Variants in GRIA4 observed in about 807,000 individuals in gnomAD.
The protein encoded by GRIA4 is glutamate ionotropic receptor AMPA type subunit 4.
Under a neutral mutation model 104.0 loss-of-function variants are expected in GRIA4, and 34 were observed. The ratio of observed to expected loss-of-function variants is 0.33; its 90% CI spans 0.25 to 0.44. The LOEUF is 0.44. GRIA4 is among the 20% of genes least tolerant of loss of function. GRIA4 has a pLI of 1.00. For synonymous variants in GRIA4, 386 were observed against 381.9 expected (o/e 1.01, Z -0.13); for missense variants, 750 against 1,096.5 (o/e 0.68, Z 4.46).
chr11:105,745,238 G>A (rs972801156), intron 3 of GRIA4, among the ~76,000 whole-genome samples: 2 of 152,078 alleles, frequency 1.3e-5, no homozygotes, highest in Non-Finnish European at 2.9e-5. Flanking sequence ...AGTTCTTTAT[G>A]AAACATCTAT....
At chr11:105,862,817 G>T (rs565603969) in intron 5 of GRIA4, among the ~76,000 whole-genome samples, 12 of 152,270 alleles carry the variant, frequency 7.9e-5, no homozygotes, top group African/African-American at 2.9e-4. Context: ...GATTTGATTT[G>T]AAGCAGCCAG....
intron 13 of GRIA4, among the ~76,000 whole-genome samples, chr11:105,927,912 T>C (rs952461045): frequency 3.3e-5 from 5 of 152,020 alleles, no homozygotes; most frequent in Admixed American, 6.6e-5. Flanking sequence ...TTTAATAGCA[T>C]AGAAGACAGA....
At chr11:105,668,220 ATAAT>A (rs1308615163) in intron 3 of GRIA4, among the ~76,000 whole-genome samples, 4 of 98,182 alleles carry the variant, frequency 4.1e-5, no homozygotes, top group African/African-American at 1.9e-4. Flanking sequence ...ACACACACAT[ATAAT>A]ATATATATAT....
chr11:105,948,691 C>T (rs1252155729), intron 14 of GRIA4, among the ~76,000 whole-genome samples: 1 of 149,330 alleles, frequency 6.7e-6, no homozygotes, highest in Non-Finnish European at 1.5e-5. Flanking sequence ...CTGCAACCTC[C>T]GCCTCCCGGG....
chr11:105,625,575 A>G lies in GRIA4; in HGVS notation c.247+13141A>G, dbSNP rs1378335343. Among the ~76,000 whole-genome samples the G allele has an allele frequency of 2.6e-5, 4 of 152,260 alleles. No homozygotes were observed. In the East Asian group the frequency reaches 7.7e-4, roughly 29 times the overall value. The stretch of plus-strand genomic sequence containing the variant: ...CTTATTGAAATTTTGTTAAAATATA[A>G]TAACTTAAATTAACTCACACAATAC... On this transcript the variant is annotated intron_variant, in intron 3 of 16. Coordinates refer to ENST00000282499, the MANE Select transcript of GRIA4 (RefSeq NM_000829.4).
chr11:105,887,386 C>CT (rs1420273369), intron 5 of GRIA4, 133 bp from the exon 6 acceptor site: 2 of 495,640 alleles, frequency 4.0e-6, no homozygotes, highest in African/African-American at 4.0e-5. Flanking sequence ...TAGTACGTGA[C>CT]TTTTATTTTT....
chr11:105,650,146 T>A (rs928479859), intron 3 of GRIA4, among the ~76,000 whole-genome samples: 5 of 152,246 alleles, frequency 3.3e-5, no homozygotes, highest in African/African-American at 9.6e-5. Flanking sequence ...TGATGTTTCA[T>A]TAAACTATTC....
rs970396828 is a variant in GRIA4, at chr11:105,612,469, G to T, written c.247+35G>T. The T allele has an allele frequency of 3.2e-6, 5 of 1,579,438 alleles. No individual in the cohort carries two copies. The African/African-American group carries it at 6.8e-5, about 21-fold the overall frequency. ...ACATAAGCTATGAAAAATTAGAAGA[G>T]AACTGAAACCAAGCAATGGAGTCCT... On this transcript the variant is annotated intron_variant, in intron 3 of 16. Coordinates refer to ENST00000282499, the MANE Select transcript of GRIA4 (RefSeq NM_000829.4).
intron 3 of GRIA4, among the ~76,000 whole-genome samples, chr11:105,633,634 A>T (rs1266763204): frequency 6.6e-6 from 1 of 152,208 alleles, no homozygotes. Flanking sequence ...GAGTCTATAG[A>T]TGTAACTCAT....
intron 3 of GRIA4, among the ~76,000 whole-genome samples, chr11:105,734,408 A>G (rs1217941140): frequency 6.6e-6 from 1 of 152,076 alleles, no homozygotes; most frequent in Non-Finnish European, 1.5e-5. Context: ...CTAAGCTTTC[A>G]ACAACTTTTG....
intron 4 of GRIA4, among the ~76,000 whole-genome samples, chr11:105,777,392 G>A (rs1941496895): frequency 6.6e-6 from 1 of 152,078 alleles, no homozygotes; most frequent in African/African-American, 2.4e-5. Context: ...ACCCAATAAT[G>A]TCAGGCAAAT....
intron 3 of GRIA4, among the ~76,000 whole-genome samples, chr11:105,740,997 T>C (rs560056629): frequency 6.6e-6 from 1 of 152,114 alleles, no homozygotes; most frequent in Admixed American, 6.5e-5. Context: ...GAGAGGAGCA[T>C]AATTAGGGAG....
chr11:105,811,836 A>C (rs1565255252), intron 4 of GRIA4, among the ~76,000 whole-genome samples: 1 of 152,220 alleles, frequency 6.6e-6, no homozygotes, highest in Non-Finnish European at 1.5e-5. Context: ...GGTAACTGAC[A>C]TTCAGGGTTT....
At chr11:105,975,873 T>C (rs920649260) in intron 16 of GRIA4, among the ~76,000 whole-genome samples, 3 of 152,112 alleles carry the variant, frequency 2.0e-5, no homozygotes, top group African/African-American at 7.2e-5. Context: ...ATGTAGAAAT[T>C]AGTGACTGAG....
chr11:105,694,215 T>C (rs1224308439), intron 3 of GRIA4, among the ~76,000 whole-genome samples: 1 of 151,970 alleles, frequency 6.6e-6, no homozygotes, highest in African/African-American at 2.4e-5. Context: ...AGTGGTGCAT[T>C]CTCGGCTCAC....
chr11:105,662,456 G>T (rs181497085), intron 3 of GRIA4, among the ~76,000 whole-genome samples: 30 of 151,886 alleles, frequency 2.0e-4, no homozygotes, highest in Middle Eastern at 3.4e-3. Context: ...AACACTGTTA[G>T]TCTTTGGTGG....
At chr11:105,965,132 A>G (rs1415190580) in intron 14 of GRIA4, among the ~76,000 whole-genome samples, 3 of 151,962 alleles carry the variant, frequency 2.0e-5, no homozygotes, top group East Asian at 3.9e-4. Context: ...TAATCCTCCT[A>G]AAGAATAGCC....
At chr11:105,943,801 CT>C (rs551091358) in intron 14 of GRIA4, among the ~76,000 whole-genome samples, 4 of 152,020 alleles carry the variant, frequency 2.6e-5, no homozygotes, top group Non-Finnish European at 5.9e-5. Context: ...ATACAGTTTA[CT>C]TTTTCCCCCC....
At chr11:105,726,685 G>A (rs1243890823) in intron 3 of GRIA4, among the ~76,000 whole-genome samples, 3 of 152,072 alleles carry the variant, frequency 2.0e-5, no homozygotes, top group East Asian at 1.9e-4. Flanking sequence ...CCAGAGGAAG[G>A]AGCAGGCAGC....
Sources: allele counts gnomAD v4.1 joint callset (sites outside exome capture counted in the v4.1 genomes callset), GRCh38; gene constraint gnomAD v4.1.1; transcripts MANE v1.5; gene names NCBI Gene and HGNC (gene_info 2026-07-23, HGNC 2026-07-21).